The following TPH2 variants were observed in gnomAD, a reference collection of about 807,000 sequenced individuals.
TPH2 encodes tryptophan hydroxylase 2, also known as tryptophan 5-hydroxylase 2.
A neutral mutation model predicts 59.1 loss-of-function variants in TPH2; 27 were observed. The observed-to-expected ratio is 0.46, with a 90% CI of 0.34 to 0.63. The LOEUF is 0.63. Among genes scored for constraint, TPH2 ranks in the 30% least tolerant of loss-of-function variants. The pLI, the probability that TPH2 is intolerant of heterozygous loss-of-function variation, is 0.01. For synonymous variants in TPH2, 220 were observed against 210.5 expected (o/e 1.05, Z -0.39); for missense variants, 523 against 588.3 (o/e 0.89, Z 1.15).
chr12:71,981,146 C>CG (rs373847375), intron 7 of TPH2, among the ~76,000 whole-genome samples: 8 of 152,040 alleles, frequency 5.3e-5, no homozygotes, highest in African/African-American at 1.9e-4. Flanking sequence ...CAAGGCTGGA[C>CG]GGGGAGGGAA....
rs764238778 is a variant in TPH2, at chr12:71,981,940, A to T, written c.941+2853A>T. 1.0e-3 allele frequency among the ~76,000 whole-genome samples: 155 copies of T among 150,218 alleles called. 1 individual carries two copies. The highest frequency in any genetic ancestry group is 1.7e-3 in the Non-Finnish European group (113 of 67,570). On this transcript the variant is annotated intron_variant, in intron 7 of 10. Coordinates refer to ENST00000333850, the MANE Select transcript of TPH2 (RefSeq NM_173353.4). ...AGATAAGAGGAGACTAAGTCAGAGG[A>T]TGGAAACTTGGGATTCACTCACTTG...
At chr12:71,978,702 C>G (rs1012183941) in intron 6 of TPH2, among the ~76,000 whole-genome samples, 23 of 152,240 alleles carry the variant, frequency 1.5e-4, no homozygotes, top group Non-Finnish European at 2.2e-4. Flanking sequence ...TCTCTAAATA[C>G]TTTTTTCACC....
chr12:72,022,014 A>C (rs1345495397), intron 8 of TPH2, among the ~76,000 whole-genome samples: 1 of 152,208 alleles, frequency 6.6e-6, no homozygotes, highest in African/African-American at 2.4e-5. Context: ...CCACATTTGC[A>C]TAAACTGATT....
Position 71,977,903 on chromosome 12 carries a change from G to A in TPH2, c.806-1049G>A, listed in dbSNP as rs551350791. ...TCATGTGCTACATATATACTGTTCG[G>A]TCAACAATGGACCTCATGCATAGTG... is the stretch of plus-strand genomic sequence containing the variant. On this transcript the variant is annotated intron_variant, in intron 6 of 10. Coordinates refer to ENST00000333850, the MANE Select transcript of TPH2 (RefSeq NM_173353.4). 6.6e-5 allele frequency among the ~76,000 whole-genome samples: 10 copies of A among 152,278 alleles called. No individual in the cohort carries two copies. The South Asian group carries it at 1.5e-3, about 22-fold the overall frequency.
At chr12:71,968,389 C>T (rs1871875652) in intron 5 of TPH2, among the ~76,000 whole-genome samples, 1 of 152,146 alleles carries the variant, frequency 6.6e-6, no homozygotes, top group South Asian at 2.1e-4. Flanking sequence ...GCAGGCACAC[C>T]ACATTGGGTC....
intron 9 of TPH2, among the ~76,000 whole-genome samples, chr12:72,023,429 C>CTTCATTCA (rs137875266): frequency 0.028 from 4,218 of 151,964 alleles, 199 homozygotes; most frequent in African/African-American, 0.096. Context: ...CATTTTATGA[C>CTTCATTCA]TTCATTCATT....
chr12:72,022,492 A>C lies in TPH2; in HGVS notation c.1162A>C (p.Lys388Gln), dbSNP rs1357596764. The change falls in exon 9 of 11, where the codon AAG (lysine) becomes CAG (glutamine). Residue 388 changes from lysine to glutamine, a missense_variant and splice_region_variant. By Grantham distance (53) the Lys-to-Gln change is moderately conservative. Transcript: ENST00000333850. The stretch of plus-strand genomic sequence containing the variant: ...ACTCCTTTCCTCCATTGGAGAATTA[A>C]AGGTATGAAGCTGTGAATGAAAATA... ...AGLLSSIGEL[K>Q]HALSDKACVK... 6.2e-7 allele frequency: 1 copy of C among 1,609,530 alleles called. No homozygotes were observed. The highest frequency in any genetic ancestry group is 8.5e-7 in the Non-Finnish European group (1 of 1,175,904).
chr12:71,947,617 G>C (rs1478192347), intron 4 of TPH2, among the ~76,000 whole-genome samples: 6 of 152,030 alleles, frequency 3.9e-5, no homozygotes, highest in African/African-American at 1.2e-4. Flanking sequence ...AGTGCCCTGT[G>C]TTTTATCCGG....
At chr12:71,940,234 C>A (rs557757902) in intron 1 of TPH2, among the ~76,000 whole-genome samples, 15 of 152,092 alleles carry the variant, frequency 9.9e-5, no homozygotes, top group Non-Finnish European at 2.1e-4. Context: ...TATGCAAGAT[C>A]TGTGTGTTGT....
intron 8 of TPH2, among the ~76,000 whole-genome samples, chr12:72,020,811 G>A (rs980012397): frequency 6.6e-6 from 1 of 151,800 alleles, no homozygotes; most frequent in African/African-American, 2.4e-5. Flanking sequence ...TAGCCTCTTT[G>A]GGAGGTGAAT....
chr12:71,972,498 A>T, intron 5 of TPH2, 21 bp from the exon 6 acceptor site: 1 of 1,611,912 alleles, frequency 6.2e-7, no homozygotes, highest in Non-Finnish European at 8.5e-7. Context: ...AGATTCATTT[A>T]GTTTCTTCTC....
At chr12:71,962,725 TG>T (rs1356774465) in intron 5 of TPH2, 1 of 960,436 alleles carries the variant, frequency 1.0e-6, no homozygotes, top group Non-Finnish European at 1.2e-6. Flanking sequence ...TTTTTTGTTT[TG>T]TTTTGTTTTG....
chr12:71,944,445 A>G lies in TPH2; in HGVS notation c.407A>G (p.Asn136Ser). 6.2e-7 allele frequency: 1 copy of G among 1,613,986 alleles called. No individual in the cohort carries two copies. Among genetic ancestry groups the G allele is most frequent in the Non-Finnish European group, 8.5e-7 (1 of 1,179,884 alleles). ...TTTCAAACCACTATTGTGACGCTGA[A>G]TCCTCCAGAGAACATTTGGACAGAG... ...LKFQTTIVTL[N>S]PPENIWTEEE... Residue 136 changes from asparagine (N) to serine (S), a missense_variant, in exon 3 of 11, where the codon AAT becomes AGT. Coordinates refer to ENST00000333850, the MANE Select transcript of TPH2 (RefSeq NM_173353.4).
At chr12:72,010,505 A>G (rs1873072717) in intron 8 of TPH2, among the ~76,000 whole-genome samples, 1 of 152,146 alleles carries the variant, frequency 6.6e-6, no homozygotes, top group African/African-American at 2.4e-5. Flanking sequence ...TGACTTCATT[A>G]ATAAAAACTT....
At chr12:71,990,227 T>C (rs188873964) in intron 7 of TPH2, among the ~76,000 whole-genome samples, 45 of 152,356 alleles carry the variant, frequency 3.0e-4, no homozygotes, top group Non-Finnish European at 6.0e-4. Context: ...TGAACTCACA[T>C]CGGGAACCTG....
intron 7 of TPH2, among the ~76,000 whole-genome samples, chr12:71,993,151 G>A (rs914242388): frequency 1.3e-5 from 2 of 152,166 alleles, no homozygotes; most frequent in African/African-American, 2.4e-5. Flanking sequence ...TGAGTTGTGG[G>A]AATAAGATTT....
intron 7 of TPH2, among the ~76,000 whole-genome samples, chr12:71,984,520 A>G (rs1872375531): frequency 6.6e-6 from 1 of 152,114 alleles, no homozygotes; most frequent in Non-Finnish European, 1.5e-5. Context: ...GGTGTTTTTA[A>G]TATCAGGCCT....
At position 71,963,256 on chromosome 12, in the gene TPH2, G is replaced by C. The variant is rs779436980; in HGVS notation, c.609-9263G>C. Among the ~76,000 whole-genome samples the C allele has an allele frequency of 6.2e-5, 3 of 48,598 alleles. 1 individual carries two copies. Among genetic ancestry groups the C allele is most frequent in the Non-Finnish European group, 1.5e-4 (3 of 19,428 alleles). 31.9% of individuals were successfully genotyped at this position (48,598 alleles called of 152,430 possible). A position where few individuals can be genotyped will look rare whatever the true frequency, so the allele number is the denominator to read the frequency against. On this transcript the variant is annotated intron_variant, in intron 5 of 10. Transcript: ENST00000333850. ...ATCCTGAAGTCTAATTTTATCAAAC[G>C]CAGGACTCCCAGACTTTTCTTATGA...
In TPH2 at chr12:71,939,035, G is replaced by A; in HGVS notation, c.49G>A (p.Gly17Arg). The A allele has an allele frequency of 6.2e-7, 1 of 1,614,148 alleles. No homozygotes were observed. Among genetic ancestry groups the A allele is most frequent in the Non-Finnish European group, 8.5e-7 (1 of 1,180,042 alleles). The change falls in exon 1 of 11, where the codon GGG (glycine) becomes AGG (arginine). Residue 17 changes from glycine to arginine, a missense_variant. Coordinates refer to ENST00000333850, the MANE Select transcript of TPH2 (RefSeq NM_173353.4). Reference protein sequence around the residue: ...MFSSKYWARRGFSLDSAVPEE... With the variant: ...MFSSKYWARRRFSLDSAVPEE... ...TTCCAGTAAATACTGGGCACGGAGA[G>A]GGTTTTCCCTGGATTCAGCAGTGCC...
Sources: gnomAD v4.1 joint callset for allele counts (sites outside exome capture counted in the v4.1 genomes callset) on GRCh38, gnomAD v4.1.1 for gene constraint, MANE v1.5 for transcripts, NCBI Gene and HGNC (gene_info 2026-07-23, HGNC 2026-07-21) for gene names.